Variants in CTNND2 observed in about 807,000 individuals in gnomAD.
The protein encoded by CTNND2 is catenin delta 2.
Under a neutral mutation model 144.4 loss-of-function variants are expected in CTNND2, and 22 were observed. The observed-to-expected ratio is 0.15, with a 90% CI of 0.11 to 0.22. The LOEUF (loss-of-function observed/expected upper bound fraction) is 0.22. Among genes scored for constraint, CTNND2 ranks in the 10% least tolerant of loss-of-function variants. The probability of loss-of-function intolerance (pLI) is 1.00; values close to 1 mark genes in which losing one functional copy is unlikely to be tolerated. For synonymous variants in CTNND2, 751 were observed against 695.6 expected (o/e 1.08, Z -1.25); for missense variants, 1,353 against 1,618.8 (o/e 0.84, Z 2.82).
chr5:11,144,827 G>A (rs1297757921), intron 12 of CTNND2, among the ~76,000 whole-genome samples: 1 of 152,164 alleles, frequency 6.6e-6, no homozygotes, highest in African/African-American at 2.4e-5. Context: ...AAATAGATGT[G>A]TGTAGGATGC....
At chr5:11,442,488 C>T (rs1764352710) in intron 3 of CTNND2, among the ~76,000 whole-genome samples, 1 of 152,028 alleles carries the variant, frequency 6.6e-6, no homozygotes, top group South Asian at 2.1e-4. Flanking sequence ...ACAATCACTA[C>T]AAAGCATTCA....
chr5:11,215,561 T>C (rs1315540135), intron 10 of CTNND2, among the ~76,000 whole-genome samples: 1 of 152,232 alleles, frequency 6.6e-6, no homozygotes. Flanking sequence ...TTCCATTAAA[T>C]GAACTTGGGT....
intron 3 of CTNND2, among the ~76,000 whole-genome samples, chr5:11,539,250 T>C (rs1450377580): frequency 4.6e-5 from 7 of 152,154 alleles, no homozygotes. Context: ...GGACTGATGA[T>C]AGAATACCTC....
intron 3 of CTNND2, among the ~76,000 whole-genome samples, chr5:11,462,408 C>T (rs965076599): frequency 6.6e-6 from 1 of 152,182 alleles, no homozygotes; most frequent in Non-Finnish European, 1.5e-5. Context: ...CACATCTCCC[C>T]TCAACTTGAG....
At chr5:11,224,958 T>A (rs1372275023) in intron 10 of CTNND2, among the ~76,000 whole-genome samples, 3 of 152,180 alleles carry the variant, frequency 2.0e-5, no homozygotes, top group Non-Finnish European at 4.4e-5. Context: ...GCAGCCCTTT[T>A]TGGCTTCTTT....
intron 16 of CTNND2, among the ~76,000 whole-genome samples, chr5:11,025,153 T>C (rs1742688278): frequency 6.6e-6 from 1 of 152,232 alleles, no homozygotes; most frequent in African/African-American, 2.4e-5. Context: ...TATCAGTCTA[T>C]CTGGAGGAAT....
chr5:11,786,106 C>T lies in CTNND2; in HGVS notation c.38-53834G>A, dbSNP rs898382353. ...TTCTGCAAGTGGGTACATGTAACAGCGCGGCAGCAGGGCTGAGCTCTGGGT... is the reference window on the plus strand; with the variant it reads ...TTCTGCAAGTGGGTACATGTAACAGTGCGGCAGCAGGGCTGAGCTCTGGGT... On this transcript the variant is annotated intron_variant, in intron 1 of 21. Coordinates refer to ENST00000304623, the MANE Select transcript of CTNND2 (RefSeq NM_001332.4). Among the ~76,000 whole-genome samples the T allele has an allele frequency of 5.4e-4, 83 of 152,324 alleles. 1 individual carries two copies. The highest frequency in any genetic ancestry group is 1.4e-3 in the African/African-American group (59 of 41,568).
At chr5:11,748,218 T>C (rs1788422160) in intron 1 of CTNND2, among the ~76,000 whole-genome samples, 1 of 151,878 alleles carries the variant, frequency 6.6e-6, no homozygotes, top group Non-Finnish European at 1.5e-5. Context: ...CCATAATAAT[T>C]TTATAGCTGC....
At chr5:11,378,461 T>C (rs748385465) in intron 7 of CTNND2, among the ~76,000 whole-genome samples, 1 of 152,234 alleles carries the variant, frequency 6.6e-6, no homozygotes, top group Non-Finnish European at 1.5e-5. Context: ...TTAAAGTTGA[T>C]TGATATCACA....
At chr5:11,450,179 A>G (rs1765175022) in intron 3 of CTNND2, among the ~76,000 whole-genome samples, 1 of 152,170 alleles carries the variant, frequency 6.6e-6, no homozygotes, top group Non-Finnish European at 1.5e-5. Context: ...ACATTTCTCT[A>G]CCATGTAGTA....
At chr5:11,233,390 TAGA>T (rs1257015760) in intron 10 of CTNND2, among the ~76,000 whole-genome samples, 1 of 152,200 alleles carries the variant, frequency 6.6e-6, no homozygotes, top group Non-Finnish European at 1.5e-5. Context: ...CCTCTGCATA[TAGA>T]AGATGTAGTT....
At chr5:11,393,562 C>T (rs1486909220) in intron 6 of CTNND2, among the ~76,000 whole-genome samples, 1 of 152,034 alleles carries the variant, frequency 6.6e-6, no homozygotes, top group Non-Finnish European at 1.5e-5. Context: ...TCATATAATC[C>T]AATGGAAACT....
Position 11,298,840 on chromosome 5 carries a change from A to G in CTNND2, c.1628+47532T>C, listed in dbSNP as rs150618794. On this transcript the variant is annotated intron_variant, in intron 9 of 21. Transcript: ENST00000304623. Reference sequence around the variant, plus strand: ...TCGGTTTGCCCCAGTTTCCTTAGATACAAAATGGGAGTAGTGATAGTACCT... The same window carrying G: ...TCGGTTTGCCCCAGTTTCCTTAGATGCAAAATGGGAGTAGTGATAGTACCT... Among the ~76,000 whole-genome samples, 692 of 152,348 alleles carry G rather than the reference A, an allele frequency of 4.5e-3. 2 individuals carry two copies. The highest frequency in any genetic ancestry group is 0.016 in the African/African-American group (659 of 41,572).
chr5:11,124,009 T>G (rs1239484203), intron 12 of CTNND2, among the ~76,000 whole-genome samples: 1 of 152,234 alleles, frequency 6.6e-6, no homozygotes. Context: ...ACACTAAACT[T>G]GTGAGGGGGG....
At chr5:11,293,001 T>C (rs931176478) in intron 9 of CTNND2, among the ~76,000 whole-genome samples, 1 of 152,310 alleles carries the variant, frequency 6.6e-6, no homozygotes, top group Non-Finnish European at 1.5e-5. Context: ...TCAGCCAATG[T>C]GCTAAAATCC....
At chr5:11,812,424 A>G (rs55637827) in intron 1 of CTNND2, among the ~76,000 whole-genome samples, 12,883 of 152,054 alleles carry the variant, frequency 0.085, 1,587 homozygotes, top group African/African-American at 0.27. Context: ...ACCCCTATTT[A>G]CCTTCTCATC....
chr5:11,478,667 A>G (rs968306095), intron 3 of CTNND2, among the ~76,000 whole-genome samples: 1 of 152,210 alleles, frequency 6.6e-6, no homozygotes, highest in African/African-American at 2.4e-5. Flanking sequence ...TGAACTTATC[A>G]GTGACCTATA....
intron 12 of CTNND2, among the ~76,000 whole-genome samples, chr5:11,124,998 C>T (rs77387958): frequency 0.14 from 20,613 of 152,138 alleles, 2,239 homozygotes; most frequent in East Asian, 0.45. Context: ...TTTGCCTCCT[C>T]GGGGAAACGG....
chr5:10,978,732 C>G (rs1736828410), intron 21 of CTNND2, among the ~76,000 whole-genome samples: 3 of 152,208 alleles, frequency 2.0e-5, no homozygotes, highest in Admixed American at 2.0e-4. Flanking sequence ...TTGCCTGAGG[C>G]CCAGTGGCCT....
Sources: gnomAD v4.1 joint callset for allele counts (sites outside exome capture counted in the v4.1 genomes callset) on GRCh38, gnomAD v4.1.1 for gene constraint, MANE v1.5 for transcripts, NCBI Gene and HGNC (gene_info 2026-07-23, HGNC 2026-07-21) for gene names.